The following FMNL2 variants were observed in gnomAD, a reference collection of about 807,000 sequenced individuals.
The protein encoded by FMNL2 is formin-like protein 2.
FMNL2 carries 51 observed loss-of-function variants against 130.2 expected under a neutral mutation model. The observed-to-expected ratio is 0.39, with a 90% confidence interval of 0.31 to 0.49. The LOEUF is 0.49. FMNL2 is among the 20% of genes least tolerant of loss of function. FMNL2 has a pLI of 0.85. For missense variants in FMNL2, 977 were observed against 1,316.2 expected (o/e 0.74, Z 3.99); for synonymous variants, 465 against 467.1 (o/e 1.00, Z 0.06).
chr2:152,376,527 T>C (rs981173011), intron 1 of FMNL2, among the ~76,000 whole-genome samples: 1 of 152,150 alleles, frequency 6.6e-6, no homozygotes, highest in African/African-American at 2.4e-5. Context: ...AGGAAGGAGC[T>C]TTGAGCCAGG....
At chr2:152,483,080 T>C (rs1285119722) in intron 1 of FMNL2, among the ~76,000 whole-genome samples, 2 of 152,222 alleles carry the variant, frequency 1.3e-5, no homozygotes, top group Non-Finnish European at 2.9e-5. Context: ...CTGTATTGAA[T>C]ACTTGTGTCT....
intron 2 of FMNL2, among the ~76,000 whole-genome samples, chr2:152,538,703 T>A (rs1694142270): frequency 6.6e-6 from 1 of 151,962 alleles, no homozygotes; most frequent in African/African-American, 2.4e-5. Flanking sequence ...CAAATAAAAG[T>A]GTTATGGAGG....
intron 1 of FMNL2, among the ~76,000 whole-genome samples, chr2:152,475,153 G>C (rs1690079959): frequency 6.6e-6 from 1 of 152,210 alleles, no homozygotes; most frequent in South Asian, 2.1e-4. Flanking sequence ...ACTGGTAACT[G>C]CTATTCAAAT....
chr2:152,648,701 C>A lies in FMNL2; in HGVS notation c.*796C>A, dbSNP rs1009130536. On this transcript the variant is annotated 3_prime_UTR_variant, in exon 26 of 26. Coordinates refer to ENST00000288670, the MANE Select transcript of FMNL2 (RefSeq NM_052905.4). ...TCTGAGAACAGAAATTGGTGCCTTG[C>A]AAGGAAGTTTACTAGCTCTATCAAC... The A allele has an allele frequency of 2.0e-5, 3 of 152,582 alleles. No homozygotes were observed. Among genetic ancestry groups the A allele is most frequent in the African/African-American group, 7.2e-5 (3 of 41,422 alleles). The allele number at this position is 152,582 out of a possible 1,614,324, so 9.5% of individuals were successfully genotyped here. A position where few individuals can be genotyped will look rare whatever the true frequency, so the allele number is the denominator to read the frequency against.
At chr2:152,619,375 T>C in intron 14 of FMNL2, 134 bp from the exon 15 acceptor site, 3 of 1,407,426 alleles carry the variant, frequency 2.1e-6, no homozygotes, top group Non-Finnish European at 2.8e-6. Context: ...AATGAGGACA[T>C]TTTTTGGTTT....
At chr2:152,340,450 T>C (rs1234454142) in intron 1 of FMNL2, among the ~76,000 whole-genome samples, 1 of 152,250 alleles carries the variant, frequency 6.6e-6, no homozygotes, top group African/African-American at 2.4e-5. Flanking sequence ...TGAAGTTTCT[T>C]CTCTTTAGAT....
chr2:152,346,682 G>A (rs182655174), intron 1 of FMNL2, among the ~76,000 whole-genome samples: 1 of 152,194 alleles, frequency 6.6e-6, no homozygotes, highest in East Asian at 1.9e-4. Context: ...AAAGTTCCAC[G>A]ATTGATTTCC....
intron 9 of FMNL2, among the ~76,000 whole-genome samples, chr2:152,605,101 C>A (rs1050381353): frequency 1.3e-5 from 2 of 151,848 alleles, no homozygotes; most frequent in African/African-American, 4.8e-5. Context: ...CAGGAACTTG[C>A]TGTAGATTGT....
chr2:152,389,738 A>G (rs1042117872), intron 1 of FMNL2, among the ~76,000 whole-genome samples: 3 of 152,324 alleles, frequency 2.0e-5, no homozygotes, highest in Non-Finnish European at 2.9e-5. Context: ...GCTCAGCAGC[A>G]CGAGGGCGGC....
In FMNL2 at chr2:152,509,737, C is replaced by CTTTTTTTTTTTTTTT. The variant is rs138976882; in HGVS notation, c.118-12194_118-12180dup. Among the ~76,000 whole-genome samples, 62 of 58,684 alleles carry CTTTTTTTTTTTTTTT rather than the reference C, an allele frequency of 1.1e-3. 17 individuals are homozygous for CTTTTTTTTTTTTTTT. Among genetic ancestry groups the CTTTTTTTTTTTTTTT allele is most frequent in the African/African-American group, 3.2e-3 (45 of 14,034 alleles). The allele number at this position is 58,684 out of a possible 152,430, so 38.5% of individuals were successfully genotyped here. On this transcript the variant is annotated intron_variant, in intron 1 of 25. Coordinates refer to ENST00000288670, the MANE Select transcript of FMNL2 (RefSeq NM_052905.4). ...GAGAAGGTATATCTGTACTCTGGACCTTTTTTTTTTTTTTTTTTTTTTTTT... is the reference window on the plus strand; with the variant it reads ...GAGAAGGTATATCTGTACTCTGGACCTTTTTTTTTTTTTTTTTTTTTTTTTTTTTTTTTTTTTTTT...
At chr2:152,348,625 A>C (rs894228221) in intron 1 of FMNL2, among the ~76,000 whole-genome samples, 1 of 152,188 alleles carries the variant, frequency 6.6e-6, no homozygotes, top group Non-Finnish European at 1.5e-5. Flanking sequence ...CAAGAATACG[A>C]AACATTCAGA....
At chr2:152,375,850 G>GCTCTCT (rs71394477) in intron 1 of FMNL2, among the ~76,000 whole-genome samples, 2,909 of 100,006 alleles carry the variant, frequency 0.029, 52 homozygotes, top group African/African-American at 0.039. Context: ...AGCCATTGAA[G>GCTCTCT]CTCTCTCTCT....
chr2:152,533,491 C>T (rs375164332), intron 2 of FMNL2, among the ~76,000 whole-genome samples: 20 of 150,438 alleles, frequency 1.3e-4, no homozygotes, highest in African/African-American at 4.9e-4. Flanking sequence ...ATCCTTACGC[C>T]AATATGTCTC....
chr2:152,603,285 C>G (rs948189479), intron 9 of FMNL2, among the ~76,000 whole-genome samples: 1 of 151,874 alleles, frequency 6.6e-6, no homozygotes, highest in Non-Finnish European at 1.5e-5. Context: ...AGTGGTCACT[C>G]TGTTGCTTTC....
rs1177965681 is a variant in FMNL2 at position 152,568,218 on chromosome 2, G to GTTTTTTT, written c.597-6909_597-6903dup. ...TGAGCAACGGCTTCCATTTTGGTGG[G>GTTTTTTT]TTTTTTTTTTTTTTTGAGACGGAGT... On this transcript the variant is annotated intron_variant, in intron 6 of 25. Transcript: ENST00000288670. Among the ~76,000 whole-genome samples the GTTTTTTT allele has an allele frequency of 1.4e-4, 5 of 34,860 alleles. 1 individual carries two copies. The highest frequency in any genetic ancestry group is 4.2e-4 in the African/African-American group (5 of 11,878). The allele number at this position is 34,860 out of a possible 152,430, so 22.9% of individuals were successfully genotyped here.
In FMNL2 at chr2:152,629,835, C is replaced by T; in HGVS notation, c.2480C>T (p.Ala827Val). Residue 827 changes from alanine (A) to valine (V), a missense_variant, in exon 20 of 26, where the codon GCC becomes GTC. By Grantham distance (64) the Ala-to-Val change is moderately conservative (BLOSUM62 0). Around this residue, in one of 4 missense-constraint regions of FMNL2, gnomAD observed 689 missense variants for 995.9 expected, o/e 0.69. Coordinates refer to ENST00000288670, the MANE Select transcript of FMNL2 (RefSeq NM_052905.4). ...KLKKILEIIL[A>V]LGNYMNSSKR... ...CACCTTCTTTTGCAGATCATCTTAG[C>T]CCTTGGAAACTACATGAATAGCAGT... The T allele has an allele frequency of 6.2e-7, 1 of 1,612,940 alleles. No individual in the cohort carries two copies. The highest frequency in any genetic ancestry group is 2.2e-5 in the East Asian group (1 of 44,862).
intron 1 of FMNL2, among the ~76,000 whole-genome samples, chr2:152,498,756 C>G (rs921339886): frequency 2.0e-5 from 3 of 152,050 alleles, no homozygotes; most frequent in African/African-American, 7.2e-5. Flanking sequence ...TCTTTAAAAC[C>G]TTGAGAATAC....
chr2:152,619,862 G>A (rs1354044198), intron 15 of FMNL2, 144 bp downstream of exon 15: 28 of 1,439,448 alleles, frequency 1.9e-5, no homozygotes, highest in East Asian at 5.0e-5. Context: ...TGATGTAGCC[G>A]ATAGAGGGAA....
intron 1 of FMNL2, among the ~76,000 whole-genome samples, chr2:152,361,524 A>G (rs2105817679): frequency 6.6e-6 from 1 of 152,282 alleles, no homozygotes; most frequent in African/African-American, 2.4e-5. Flanking sequence ...ATAATATCAC[A>G]ACAGAAGGTG....
Sources: gnomAD v4.1 joint callset for allele counts (sites outside exome capture counted in the v4.1 genomes callset) on GRCh38, gnomAD v4.1.1 for gene constraint, gnomAD v4.1.1 regional missense constraint, MANE v1.5 for transcripts, NCBI Gene and HGNC (gene_info 2026-07-23, HGNC 2026-07-21) for gene names.